The following ASTN2 variants were observed in gnomAD, a reference collection of about 807,000 sequenced individuals.
The protein encoded by ASTN2 is astrotactin 2, also known as astrotactin-2.
Under a neutral mutation model 139.8 loss-of-function variants are expected in ASTN2, and 54 were observed. That is an observed-to-expected ratio of 0.39 (90% CI 0.31 to 0.48). The LOEUF (loss-of-function observed/expected upper bound fraction) is 0.48, where lower values mean the gene tolerates loss of function less well. ASTN2 is among the 20% of genes least tolerant of loss of function. The pLI, the probability that ASTN2 is intolerant of heterozygous loss-of-function variation, is 0.95. For synonymous variants in ASTN2, 756 were observed against 719.5 expected, an observed-to-expected ratio of 1.05 and a Z score of -0.81; for missense variants, 1,565 against 1,725.1, an observed-to-expected ratio of 0.91 and a Z score of 1.64.
chr9:117,319,838 G>T (rs1287465842), intron 1 of ASTN2, among the ~76,000 whole-genome samples: 1 of 152,150 alleles, frequency 6.6e-6, no homozygotes, highest in Non-Finnish European at 1.5e-5. Flanking sequence ...ATCTGCACAT[G>T]AAGGCGGTAA....
chr9:116,474,052 C>T (rs1335210201), intron 20 of ASTN2, among the ~76,000 whole-genome samples: 1 of 152,138 alleles, frequency 6.6e-6, no homozygotes, highest in Non-Finnish European at 1.5e-5. Context: ...CCTCACTGTA[C>T]AGATATAGAA....
intron 17 of ASTN2, among the ~76,000 whole-genome samples, chr9:116,620,840 G>A (rs971029528): frequency 2.6e-5 from 4 of 152,282 alleles, no homozygotes; most frequent in Admixed American, 6.5e-5. Context: ...GATAGCGATA[G>A]AGCTAGGATA....
chr9:116,807,161 T>C (rs1294098405), intron 12 of ASTN2, among the ~76,000 whole-genome samples: 1 of 152,184 alleles, frequency 6.6e-6, no homozygotes, highest in African/African-American at 2.4e-5. Flanking sequence ...TTTGCCTTTT[T>C]TCAAAGGGTG....
At chr9:116,484,564 T>C (rs1250628642) in intron 20 of ASTN2, among the ~76,000 whole-genome samples, 1 of 152,182 alleles carries the variant, frequency 6.6e-6, no homozygotes, top group Non-Finnish European at 1.5e-5. Flanking sequence ...CAGACCGAGC[T>C]GGTCAGACTC....
chr9:116,427,607 T>C (rs1461028177), intron 22 of ASTN2, among the ~76,000 whole-genome samples: 26 of 152,230 alleles, frequency 1.7e-4, no homozygotes, highest in Admixed American at 1.7e-3. Context: ...GAAGGAGTTT[T>C]ACAACAACAG....
At chr9:116,748,201 T>C (rs1829298825) in intron 13 of ASTN2, among the ~76,000 whole-genome samples, 1 of 152,136 alleles carries the variant, frequency 6.6e-6, no homozygotes, top group African/African-American at 2.4e-5. Flanking sequence ...ATAAATGAGA[T>C]TCAGAGAGGA....
chr9:117,058,636 C>T (rs1267627747), intron 5 of ASTN2, among the ~76,000 whole-genome samples: 1 of 152,222 alleles, frequency 6.6e-6, no homozygotes, highest in Non-Finnish European at 1.5e-5. Context: ...TGCAGAGATG[C>T]ATCTTTCTGA....
At chr9:117,237,512 C>G (rs945400190) in intron 2 of ASTN2, among the ~76,000 whole-genome samples, 1 of 152,130 alleles carries the variant, frequency 6.6e-6, no homozygotes, top group East Asian at 1.9e-4. Flanking sequence ...CAGAGTTTTG[C>G]TCAGTTGCCC....
intron 2 of ASTN2, among the ~76,000 whole-genome samples, chr9:117,290,194 G>T (rs1230872580): frequency 6.6e-6 from 1 of 152,116 alleles, no homozygotes; most frequent in Non-Finnish European, 1.5e-5. Context: ...CCTAACCTTG[G>T]GTATCTGGCA....
rs374904866 is a variant in ASTN2, at chr9:117,414,489, A to G, written c.442+8T>C. On this transcript the variant is annotated splice_region_variant and intron_variant, in intron 1 of 22. Coordinates refer to ENST00000313400, the MANE Select transcript of ASTN2 (RefSeq NM_001365068.1). This position sits in a 1 kb window ranked among gnomAD's most constrained non-coding sequence, Gnocchi z 4.2. ...TGGGATCTAGCGCGTGCCGGCGCCC[A>G]GCCTTACCCAGGGTGAAGAAGGGCA... is the stretch of plus-strand genomic sequence containing the variant. 1.2e-6 allele frequency: 2 copies of G among 1,607,596 alleles called. No homozygotes were observed. The highest frequency in any genetic ancestry group is 1.3e-5 in the African/African-American group (1 of 74,332).
intron 19 of ASTN2, among the ~76,000 whole-genome samples, chr9:116,578,641 T>C (rs1187614475): frequency 8.8e-6 from 1 of 113,118 alleles, no homozygotes; most frequent in African/African-American, 3.3e-5. Context: ...TGTGTGTGTG[T>C]GTGTGTGTGT....
intron 20 of ASTN2, among the ~76,000 whole-genome samples, chr9:116,445,882 A>C (rs1239451127): frequency 2.6e-5 from 4 of 152,122 alleles, no homozygotes; most frequent in African/African-American, 9.7e-5. Context: ...CTCGGGATGG[A>C]GGAGGCCTCA....
chr9:117,015,226 C>T (rs1363817135), intron 6 of ASTN2, among the ~76,000 whole-genome samples: 1 of 151,980 alleles, frequency 6.6e-6, no homozygotes, highest in Admixed American at 6.6e-5. Context: ...GACATGTTGC[C>T]CAAGCTGGTC....
intron 10 of ASTN2, among the ~76,000 whole-genome samples, chr9:116,865,280 AG>A (rs1201995059): frequency 6.6e-6 from 1 of 152,118 alleles, no homozygotes; most frequent in Middle Eastern, 3.4e-3. Context: ...AGACCAGCTT[AG>A]AAAATGAGGC....
chr9:117,306,200 C>A (rs1420943544), intron 1 of ASTN2, among the ~76,000 whole-genome samples: 1 of 152,154 alleles, frequency 6.6e-6, no homozygotes, highest in Admixed American at 6.5e-5. Context: ...CACAGAAACT[C>A]TAAACTTAGA....
rs545931316 is a variant in ASTN2 at position 116,681,513 on chromosome 9, G to A, written c.2807-29720C>T. Among the ~76,000 whole-genome samples, 190 of 152,184 alleles carry A rather than the reference G, an allele frequency of 1.2e-3. 7 individuals carry two copies. The East Asian group carries it at 0.03, about 24-fold the overall frequency. On this transcript the variant is annotated intron_variant, in intron 16 of 22. Coordinates refer to ENST00000313400, the MANE Select transcript of ASTN2 (RefSeq NM_001365068.1). ...TACCAATGACTTTCTTCATAGAATT[G>A]GAAAAAACTACTTTAAGGTTCATAT...
intron 4 of ASTN2, among the ~76,000 whole-genome samples, chr9:117,108,424 AC>A (rs1829160163): frequency 2.0e-5 from 2 of 99,828 alleles, no homozygotes; most frequent in Admixed American, 1.1e-4. Flanking sequence ...TTGGAAAAAA[AC>A]AAAACAAAAC....
At chr9:116,768,885 C>T (rs1347817662) in intron 13 of ASTN2, among the ~76,000 whole-genome samples, 1 of 152,200 alleles carries the variant, frequency 6.6e-6, no homozygotes, top group Admixed American at 6.5e-5. Context: ...ATTAAGAAGA[C>T]AATCTCATCT....
intron 1 of ASTN2, among the ~76,000 whole-genome samples, chr9:117,332,399 T>C (rs1442260326): frequency 6.6e-6 from 1 of 152,034 alleles, no homozygotes; most frequent in Non-Finnish European, 1.5e-5. Context: ...GGTGAAACCC[T>C]CTCTCCACTA....
Sources: gnomAD v4.1 joint callset for allele counts (sites outside exome capture counted in the v4.1 genomes callset) on GRCh38, gnomAD v4.1.1 for gene constraint, Gnocchi (gnomAD v3.1) non-coding constraint, MANE v1.5 for transcripts, NCBI Gene and HGNC (gene_info 2026-07-23, HGNC 2026-07-21) for gene names.